Variants in RBM6 observed in about 807,000 individuals in gnomAD.
RBM6 encodes RNA binding motif protein 6.
Under a neutral mutation model 140.4 loss-of-function variants are expected in RBM6, and 23 were observed. The observed-to-expected ratio is 0.16, with a 90% CI of 0.12 to 0.23. The LOEUF (loss-of-function observed/expected upper bound fraction) is 0.23. Ranked by LOEUF, RBM6 falls within the 10% of genes least tolerant of loss-of-function variation. The pLI is 1.00. For missense variants in RBM6, 1,139 were observed against 1,386.7 expected (o/e 0.82, Z 2.84); for synonymous variants, 439 against 475.6 (o/e 0.92, Z 1.00).
intron 6 of RBM6, among the ~76,000 whole-genome samples, chr3:50,038,584 C>T (rs1458131143): frequency 6.6e-6 from 1 of 152,158 alleles, no homozygotes; most frequent in African/African-American, 2.4e-5. Context: ...GTAATCCCAG[C>T]ACTTTGGGAG....
In RBM6 at chr3:50,057,884, A is replaced by T; in HGVS notation, c.1850A>T (p.His617Leu). The T allele has an allele frequency of 1.2e-6, 2 of 1,614,188 alleles. No homozygotes were observed. The highest frequency in any genetic ancestry group is 1.1e-5 in the South Asian group (1 of 91,092). Residue 617 changes from histidine to leucine, a missense_variant, in exon 9 of 21, where the codon CAT (histidine) becomes CTT (leucine). His to Leu is a moderately conservative substitution (Grantham distance 99). Around this residue, in one of 9 missense-constraint regions of RBM6, gnomAD observed 109 missense variants for 101.9 expected, o/e 1.07. Transcript: ENST00000266022. The stretch of plus-strand genomic sequence containing the variant: ...GAAGGCCAAGAGTCACGCTTAGGAC[A>T]TCAAAAGAGAGAAGCAGAAAGGTAT... ...REEGQESRLG[H>L]QKREAERYLP...
intron 5 of RBM6, among the ~76,000 whole-genome samples, chr3:49,984,954 G>A (rs2085494241): frequency 6.6e-6 from 1 of 152,160 alleles, no homozygotes; most frequent in African/African-American, 2.4e-5. Context: ...CTGAGGTTGG[G>A]GAAGGTGTTT....
At chr3:50,006,515 G>T (rs893114761) in intron 6 of RBM6, among the ~76,000 whole-genome samples, 1 of 152,150 alleles carries the variant, frequency 6.6e-6, no homozygotes, top group African/African-American at 2.4e-5. Context: ...ACTACCGGGG[G>T]TTGCATTTCG....
At chr3:49,976,486 G>A (rs115196120) in intron 5 of RBM6, among the ~76,000 whole-genome samples, 1,841 of 152,242 alleles carry the variant, frequency 0.012, 24 homozygotes, top group African/African-American at 0.041. Context: ...ATGAGTAAGA[G>A]TAGATATATT....
chr3:50,044,067 G>C (rs1160414208), intron 6 of RBM6, among the ~76,000 whole-genome samples: 2 of 151,136 alleles, frequency 1.3e-5, no homozygotes, highest in Admixed American at 1.3e-4. Flanking sequence ...TTTTAGTAGA[G>C]ACAGGGTTTC....
intron 6 of RBM6, among the ~76,000 whole-genome samples, chr3:50,029,299 A>G (rs1349462167): frequency 1.3e-5 from 2 of 152,226 alleles, no homozygotes; most frequent in Non-Finnish European, 2.9e-5. Flanking sequence ...GATGCCTTGC[A>G]TTAGGGATTA....
At chr3:49,997,731 G>A (rs1321302900) in intron 5 of RBM6, among the ~76,000 whole-genome samples, 2 of 152,146 alleles carry the variant, frequency 1.3e-5, no homozygotes, top group African/African-American at 4.8e-5. Context: ...CTGTTATTCT[G>A]TAATGTTTCC....
rs1362946345 is a variant in RBM6, at chr3:50,061,816, G to A, written c.2440-146G>A. 8.6e-6 allele frequency: 11 copies of A among 1,277,322 alleles called. No individual in the cohort carries two copies. In the African/African-American group the frequency reaches 1.5e-4, roughly 18 times the overall value. 79.1% of individuals were successfully genotyped at this position (1,277,322 alleles called of 1,614,324 possible). A position where few individuals can be genotyped will look rare whatever the true frequency, so the allele number is the denominator to read the frequency against. On this transcript the variant is annotated intron_variant, in intron 14 of 20. Coordinates refer to ENST00000266022, the MANE Select transcript of RBM6 (RefSeq NM_005777.3). ...CTGAATGTGTCCTGGTCCCTGGAGT[G>A]GGTTTTTAGATTGATGTGGACTCTT...
At chr3:50,008,171 G>T (rs141372302) in intron 6 of RBM6, among the ~76,000 whole-genome samples, 4 of 152,122 alleles carry the variant, frequency 2.6e-5, no homozygotes, top group Admixed American at 2.6e-4. Context: ...TATGAGAGGT[G>T]CTCTAAACGA....
chr3:49,978,015 A>G (rs1217866921), intron 5 of RBM6, among the ~76,000 whole-genome samples: 1 of 152,086 alleles, frequency 6.6e-6, no homozygotes. Context: ...ATTTTTTTTT[A>G]TAAGAGAAAG....
Position 49,967,975 on chromosome 3 carries a change from G to T in RBM6, c.550G>T (p.Asp184Tyr), listed in dbSNP as rs1451509566. The change falls in exon 3 of 21, where the codon GAT becomes TAT. Residue 184 changes from aspartate to tyrosine, a missense_variant. Physicochemically the swap from Asp to Tyr is radical, Grantham distance 160. Around this residue, in one of 9 missense-constraint regions of RBM6, gnomAD observed 566 missense variants for 612.7 expected, o/e 0.92. Coordinates refer to ENST00000266022, the MANE Select transcript of RBM6 (RefSeq NM_005777.3). The surrounding 1 kb of genome is among the most constrained non-coding windows in gnomAD (Gnocchi z 4.0). ...DFRGRGTYDL[D>Y]FRGRDGSHAD... is the part of the protein sequence containing the mutation. ...CAGGGGCCGGGGCACTTATGATTTA[G>T]ATTTTAGAGGCCGGGATGGATCCCA... The T allele has an allele frequency of 6.2e-7, 1 of 1,614,052 alleles. No individual in the cohort carries two copies. Among genetic ancestry groups the T allele is most frequent in the African/African-American group, 1.3e-5 (1 of 74,910 alleles).
intron 6 of RBM6, among the ~76,000 whole-genome samples, chr3:50,036,541 ATAT>A (rs1559615043): frequency 6.6e-6 from 1 of 152,114 alleles, no homozygotes; most frequent in Non-Finnish European, 1.5e-5. Context: ...AAAAGTTAAG[ATAT>A]TATAGCCATT....
At chr3:50,000,545 T>A (rs2086278877) in intron 6 of RBM6, among the ~76,000 whole-genome samples, 1 of 151,648 alleles carries the variant, frequency 6.6e-6, no homozygotes, top group Admixed American at 6.6e-5. Flanking sequence ...CTCAGCCCCC[T>A]GAGTAGCTGG....
chr3:50,009,389 A>T (rs2086735253), intron 6 of RBM6, among the ~76,000 whole-genome samples: 1 of 152,148 alleles, frequency 6.6e-6, no homozygotes, highest in Admixed American at 6.6e-5. Flanking sequence ...GAGTGTTATT[A>T]GGTATCTTCT....
chr3:50,074,131 C>A (rs569984014), intron 19 of RBM6, among the ~76,000 whole-genome samples: 2 of 152,156 alleles, frequency 1.3e-5, no homozygotes, highest in African/African-American at 4.8e-5. Flanking sequence ...ACCCGGCCAC[C>A]AAGCAGCCTT....
chr3:49,973,923 A>C (rs985470454), intron 4 of RBM6, among the ~76,000 whole-genome samples: 4 of 150,178 alleles, frequency 2.7e-5, no homozygotes, highest in African/African-American at 9.8e-5. Context: ...TTTGAGACAG[A>C]GTCTTGCTCT....
intron 5 of RBM6, among the ~76,000 whole-genome samples, chr3:49,977,779 G>A (rs529534884): frequency 6.6e-6 from 1 of 152,266 alleles, no homozygotes; most frequent in Admixed American, 6.5e-5. Flanking sequence ...ATATGTCTTG[G>A]AACAATCAGA....
chr3:49,947,497 A>G (rs2083548385), intron 1 of RBM6, among the ~76,000 whole-genome samples: 1 of 151,990 alleles, frequency 6.6e-6, no homozygotes, highest in Non-Finnish European at 1.5e-5. Context: ...CACTCTAGAT[A>G]TTAATTCCTT....
At chr3:50,043,493 A>AT (rs2089041310) in intron 6 of RBM6, among the ~76,000 whole-genome samples, 1 of 150,922 alleles carries the variant, frequency 6.6e-6, no homozygotes, top group Non-Finnish European at 1.5e-5. Context: ...GTCTCAAAAA[A>AT]AAAAAAGAGA....
Sources: allele counts gnomAD v4.1 joint callset (sites outside exome capture counted in the v4.1 genomes callset), GRCh38; gene constraint gnomAD v4.1.1; regional missense constraint gnomAD v4.1.1; non-coding constraint Gnocchi (gnomAD v3.1); transcripts MANE v1.5; gene names NCBI Gene and HGNC (gene_info 2026-07-23, HGNC 2026-07-21).